Variants in GRIN2A observed in about 807,000 individuals in gnomAD.
GRIN2A encodes the protein glutamate receptor ionotropic, NMDA 2A.
GRIN2A carries 22 observed loss-of-function variants against 113.4 expected under a neutral mutation model. The ratio of observed to expected loss-of-function variants is 0.19; its 90% CI spans 0.14 to 0.28. The LOEUF is 0.28. Among genes scored for constraint, GRIN2A ranks in the 10% least tolerant of loss-of-function variants. The pLI, the probability that GRIN2A is intolerant of heterozygous loss-of-function variation, is 1.00. For synonymous variants in GRIN2A, 827 were observed against 738.4 expected, an observed-to-expected ratio of 1.12 and a Z score of -1.94; for missense variants, 1,502 against 1,887.0, an observed-to-expected ratio of 0.80 and a Z score of 3.78.
chr16:10,078,866 C>T (rs1281201305), intron 2 of GRIN2A, among the ~76,000 whole-genome samples: 1 of 152,250 alleles, frequency 6.6e-6, no homozygotes, highest in Non-Finnish European at 1.5e-5. Flanking sequence ...GACTGGCTGA[C>T]TGACTGCCTG....
chr16:9,945,294 A>G (rs558007722), intron 2 of GRIN2A, among the ~76,000 whole-genome samples: 1 of 152,306 alleles, frequency 6.6e-6, no homozygotes, highest in South Asian at 2.1e-4. Flanking sequence ...TCAAAATGAT[A>G]TGAAGAAGGA....
chr16:10,113,523 G>A (rs2048667945), intron 2 of GRIN2A, among the ~76,000 whole-genome samples: 1 of 152,202 alleles, frequency 6.6e-6, no homozygotes, highest in African/African-American at 2.4e-5. Flanking sequence ...TGCAGTTGAA[G>A]GCTTTAACTT....
At chr16:9,996,620 C>A (rs1384598856) in intron 2 of GRIN2A, among the ~76,000 whole-genome samples, 1 of 152,210 alleles carries the variant, frequency 6.6e-6, no homozygotes, top group Non-Finnish European at 1.5e-5. Context: ...CACATAATTT[C>A]CCTTGTCAGG....
At chr16:9,833,760 C>T (rs530248147) in intron 8 of GRIN2A, among the ~76,000 whole-genome samples, 1 of 152,188 alleles carries the variant, frequency 6.6e-6, no homozygotes, top group South Asian at 2.1e-4. Flanking sequence ...CGCTCTGTCC[C>T]TCAGGCTGGA....
chr16:9,941,460 G>T (rs1427902351), intron 2 of GRIN2A, among the ~76,000 whole-genome samples: 1 of 152,200 alleles, frequency 6.6e-6, no homozygotes. Flanking sequence ...GAGCCAGCTC[G>T]GCACAGGCCA....
chr16:9,832,530 A>G (rs1200745117), intron 8 of GRIN2A, among the ~76,000 whole-genome samples: 1 of 152,180 alleles, frequency 6.6e-6, no homozygotes, highest in African/African-American at 2.4e-5. Context: ...TTTCACAACT[A>G]AATTCTAAAC....
At chr16:9,765,208 A>G (rs527785822) in intron 12 of GRIN2A, among the ~76,000 whole-genome samples, 55 of 152,340 alleles carry the variant, frequency 3.6e-4, no homozygotes, top group Middle Eastern at 3.4e-3. Context: ...GAGAAAAGGT[A>G]TCAACCGATG....
At chr16:9,837,503 C>T (rs2042602290) in intron 7 of GRIN2A, among the ~76,000 whole-genome samples, 4 of 152,088 alleles carry the variant, frequency 2.6e-5, no homozygotes, top group Admixed American at 2.6e-4. Context: ...TTTTTTCTCT[C>T]TGATTGAATT....
chr16:10,179,872 C>G (rs1596586545), intron 2 of GRIN2A, 126 bp downstream of exon 2: 1 of 719,594 alleles, frequency 1.4e-6, no homozygotes, highest in Non-Finnish European at 2.5e-6. Context: ...CCAGTGGCCA[C>G]GACCCTCCCA....
intron 2 of GRIN2A, among the ~76,000 whole-genome samples, chr16:9,944,415 C>A (rs2044966548): frequency 6.6e-6 from 1 of 152,086 alleles, no homozygotes; most frequent in South Asian, 2.1e-4. Flanking sequence ...CACCACCACC[C>A]ACCTCCCTCC....
intron 2 of GRIN2A, among the ~76,000 whole-genome samples, chr16:10,064,306 A>T (rs1474754962): frequency 6.6e-6 from 1 of 152,100 alleles, no homozygotes; most frequent in Non-Finnish European, 1.5e-5. Context: ...CGTCCCAGGC[A>T]CCTCACTTCG....
chr16:9,753,663 T>C lies in GRIN2A; in HGVS notation c.*9486A>G, dbSNP rs1297750533. The C allele has an allele frequency of 5.1e-6, 1 of 195,390 alleles. No homozygotes were observed. The allele number at this position is 195,390 out of a possible 1,614,324, so 12.1% of individuals were successfully genotyped here. On this transcript the variant is annotated 3_prime_UTR_variant, in exon 13 of 13. Coordinates refer to ENST00000330684, the MANE Select transcript of GRIN2A (RefSeq NM_001134407.3). ...GAAAGGTGTTAAGCAAACATATAATTTTGTAGCTATGCTTGGAAATATTTA... is the reference window on the plus strand; with the variant it reads ...GAAAGGTGTTAAGCAAACATATAATCTTGTAGCTATGCTTGGAAATATTTA...
At chr16:10,138,085 A>G (rs949991736) in intron 2 of GRIN2A, among the ~76,000 whole-genome samples, 1 of 152,232 alleles carries the variant, frequency 6.6e-6, no homozygotes, top group Non-Finnish European at 1.5e-5. Flanking sequence ...TGTCATCACC[A>G]AGGTGGGCAT....
Position 9,978,295 on chromosome 16 carries a change from C to T in GRIN2A, c.415-39744G>A, listed in dbSNP as rs1459089307. Among the ~76,000 whole-genome samples the T allele has an allele frequency of 2.0e-5, 3 of 152,272 alleles. No homozygotes were observed. In the East Asian group the frequency reaches 5.8e-4, roughly 29 times the overall value. ...CTCAGGCAAATGCAGTTACAGGGAC[C>T]TGGCTCAGCCTCTTCCTATCTGTGT... is the stretch of plus-strand genomic sequence containing the variant. On this transcript the variant is annotated intron_variant, in intron 2 of 12. Transcript: ENST00000330684.
intron 4 of GRIN2A, among the ~76,000 whole-genome samples, chr16:9,863,122 T>G (rs141837766): frequency 2.8e-4 from 42 of 152,324 alleles, no homozygotes; most frequent in African/African-American, 1.0e-3. Context: ...CAGGAGCTGT[T>G]ACCACTGCCT....
At chr16:10,172,131 T>C (rs1466748196) in intron 2 of GRIN2A, among the ~76,000 whole-genome samples, 1 of 152,240 alleles carries the variant, frequency 6.6e-6, no homozygotes. Context: ...ATCTTAGTGA[T>C]AATTTTGTCC....
intron 2 of GRIN2A, among the ~76,000 whole-genome samples, chr16:9,958,921 T>C (rs1428650498): frequency 1.4e-4 from 22 of 152,164 alleles, no homozygotes; most frequent in Admixed American, 1.4e-3. Context: ...GTTAGATAAA[T>C]GAATTAATGA....
chr16:9,799,268 C>T (rs970993931), intron 10 of GRIN2A, among the ~76,000 whole-genome samples: 1 of 152,122 alleles, frequency 6.6e-6, no homozygotes, highest in South Asian at 2.1e-4. Flanking sequence ...CTGTGGCTGC[C>T]GTCCTTATTA....
intron 2 of GRIN2A, among the ~76,000 whole-genome samples, chr16:10,049,975 T>C (rs781267582): frequency 1.3e-5 from 2 of 152,188 alleles, no homozygotes; most frequent in Non-Finnish European, 2.9e-5. Flanking sequence ...CTCATACCCA[T>C]ACCATCCTAC....
Sources: allele counts gnomAD v4.1 joint callset (sites outside exome capture counted in the v4.1 genomes callset), GRCh38; gene constraint gnomAD v4.1.1; transcripts MANE v1.5; gene names NCBI Gene and HGNC (gene_info 2026-07-23, HGNC 2026-07-21).